The following SERINC1 variants were observed in gnomAD, a reference collection of about 807,000 sequenced individuals.
SERINC1 encodes the protein serine incorporator 1, also known as tumor differentially expressed protein 2.
In SERINC1, 38 loss-of-function variants were observed where a neutral mutation model predicts 52.9. The observed-to-expected ratio is 0.72, with a 90% CI of 0.55 to 0.94. SERINC1 has a LOEUF of 0.94. Ranked by LOEUF, SERINC1 falls within the 40% of genes least tolerant of loss-of-function variation. The pLI, the probability that SERINC1 is intolerant of heterozygous loss-of-function variation, is 0.00. For missense variants in SERINC1, 471 were observed against 533.9 expected (o/e 0.88, Z 1.16); for synonymous variants, 198 against 183.1 (o/e 1.08, Z -0.66).
chr6:122,455,744 A>C (rs192899503), intron 3 of SERINC1, among the ~76,000 whole-genome samples: 71 of 152,286 alleles, frequency 4.7e-4, no homozygotes, highest in Admixed American at 1.7e-3. Flanking sequence ...TTATGGAAAA[A>C]TGAGAATGTT....
chr6:122,455,292 AAAG>A (rs1260333044), intron 3 of SERINC1, among the ~76,000 whole-genome samples: 4 of 152,150 alleles, frequency 2.6e-5, no homozygotes, highest in African/African-American at 9.7e-5. Flanking sequence ...GGGTGTTGCC[AAAG>A]AAGATTAACA....
intron 4 of SERINC1, 95 bp from the exon 5 acceptor site, chr6:122,454,002 T>G: frequency 7.2e-7 from 1 of 1,385,174 alleles, no homozygotes; most frequent in African/African-American, 1.5e-5. Flanking sequence ...AAATAAAATT[T>G]TATATGAACA....
intron 7 of SERINC1, among the ~76,000 whole-genome samples, chr6:122,448,541 T>C (rs1448018231): frequency 2.0e-5 from 3 of 152,158 alleles, no homozygotes; most frequent in Admixed American, 2.0e-4. Flanking sequence ...TGGTATGCAA[T>C]ATAACTAGCC....
chr6:122,451,567 G>A, intron 7 of SERINC1, 97 bp downstream of exon 7: 1 of 456,548 alleles, frequency 2.2e-6, no homozygotes, highest in Non-Finnish European at 4.0e-6. Flanking sequence ...TCCTCTAGAA[G>A]CCTAATTTTT....
chr6:122,446,894 T>C lies in SERINC1; in HGVS notation c.1106A>G (p.Asp369Gly), dbSNP rs780594990. 7 of 1,613,232 alleles carry C rather than the reference T, an allele frequency of 4.3e-6. No individual in the cohort carries two copies. The highest frequency in any genetic ancestry group is 5.9e-6 in the Non-Finnish European group (7 of 1,179,232). ...ARSDGSLEDG[D>G]DVHRAVDNER... ...ATTATCTACAGCTCGGTGAACATCG[T>C]CCCCATCCTCCAGTGATCCATCACT... The change falls in exon 9 of 10, where the codon GAC becomes GGC. Residue 369 changes from aspartate (D) to glycine (G), a missense_variant. Asp to Gly is a moderately conservative substitution (Grantham distance 94). Coordinates refer to ENST00000339697, the MANE Select transcript of SERINC1 (RefSeq NM_020755.4).
intron 1 of SERINC1, among the ~76,000 whole-genome samples, chr6:122,461,368 G>A (rs1337179900): frequency 6.6e-6 from 1 of 151,978 alleles, no homozygotes; most frequent in Non-Finnish European, 1.5e-5. Flanking sequence ...GTAAGAAACG[G>A]TTCAAGCCTA....
chr6:122,447,481 G>A (rs561319737), intron 7 of SERINC1, among the ~76,000 whole-genome samples: 1 of 152,202 alleles, frequency 6.6e-6, no homozygotes, highest in South Asian at 2.1e-4. Flanking sequence ...ACCTGGAAAA[G>A]TTAAATCATT....
intron 1 of SERINC1, among the ~76,000 whole-genome samples, chr6:122,461,505 T>A (rs1775098960): frequency 3.0e-5 from 1 of 33,288 alleles, no homozygotes; most frequent in African/African-American, 1.3e-4. Flanking sequence ...CTGGGGACTG[T>A]GGTGGGGTTG....
chr6:122,470,525 T>G (rs1775268309), intron 1 of SERINC1, among the ~76,000 whole-genome samples: 1 of 152,240 alleles, frequency 6.6e-6, no homozygotes, highest in East Asian at 1.9e-4. Context: ...ACACTAAATA[T>G]GCCTCTTTTG....
intron 1 of SERINC1, among the ~76,000 whole-genome samples, chr6:122,470,383 AC>A (rs1331766166): frequency 6.6e-6 from 1 of 152,240 alleles, no homozygotes; most frequent in African/African-American, 2.4e-5. Context: ...TATACAAAAA[AC>A]TACAGCACGC....
chr6:122,463,359 G>A (rs1437824380), intron 1 of SERINC1, among the ~76,000 whole-genome samples: 2 of 152,030 alleles, frequency 1.3e-5, no homozygotes, highest in Non-Finnish European at 2.9e-5. Flanking sequence ...CAAATGAATT[G>A]GGCTTCATCA....
chr6:122,457,383 T>C (rs1236303603), intron 2 of SERINC1, among the ~76,000 whole-genome samples: 2 of 152,214 alleles, frequency 1.3e-5, no homozygotes, highest in Non-Finnish European at 2.9e-5. Flanking sequence ...TCAATTTCTA[T>C]CCTCAAGGCA....
At chr6:122,463,249 T>C (rs1275194817) in intron 1 of SERINC1, among the ~76,000 whole-genome samples, 2 of 152,224 alleles carry the variant, frequency 1.3e-5, no homozygotes, top group South Asian at 2.1e-4. Context: ...TGGATATTCA[T>C]ACATTTTTTA....
chr6:122,447,999 A>G (rs1774836480), intron 7 of SERINC1, among the ~76,000 whole-genome samples: 1 of 151,918 alleles, frequency 6.6e-6, no homozygotes, highest in Non-Finnish European at 1.5e-5. Flanking sequence ...CTGTAGTCCC[A>G]GCTACTCGGG....
At chr6:122,457,967 C>T (rs751393092) in intron 2 of SERINC1, among the ~76,000 whole-genome samples, 16 of 152,210 alleles carry the variant, frequency 1.1e-4, no homozygotes, top group Non-Finnish European at 2.4e-4. Flanking sequence ...TTTTGTAGGA[C>T]CAGAACCTGG....
At chr6:122,470,252 C>G (rs1775257617) in intron 1 of SERINC1, among the ~76,000 whole-genome samples, 1 of 152,170 alleles carries the variant, frequency 6.6e-6, no homozygotes, top group Admixed American at 6.5e-5. Context: ...ATGTACTTCG[C>G]TATTAACACA....
intron 1 of SERINC1, among the ~76,000 whole-genome samples, chr6:122,465,447 TA>T (rs1472438777): frequency 6.6e-6 from 1 of 152,210 alleles, no homozygotes; most frequent in Non-Finnish European, 1.5e-5. Flanking sequence ...ACTAAAAACA[TA>T]AAATTAAGTC....
intron 7 of SERINC1, among the ~76,000 whole-genome samples, chr6:122,448,859 C>A (rs1192706057): frequency 6.7e-6 from 1 of 150,374 alleles, no homozygotes; most frequent in Non-Finnish European, 1.5e-5. Flanking sequence ...TTGTGGCAAC[C>A]CTGCATTAAA....
intron 2 of SERINC1, 31 bp from the exon 3 acceptor site, chr6:122,456,681 A>ATT: frequency 6.8e-7 from 1 of 1,472,884 alleles, no homozygotes; most frequent in Admixed American, 2.4e-5. Flanking sequence ...ATGATCCATC[A>ATT]TTTTTTTTCA....
Sources: gnomAD v4.1 joint callset for allele counts (sites outside exome capture counted in the v4.1 genomes callset) on GRCh38, gnomAD v4.1.1 for gene constraint, MANE v1.5 for transcripts, NCBI Gene and HGNC (gene_info 2026-07-23, HGNC 2026-07-21) for gene names.